COG3: variants seen among roughly 807,000 people sequenced by gnomAD.
The protein encoded by COG3 is component of oligomeric golgi complex 3.
COG3 carries 32 observed loss-of-function variants against 114.1 expected under a neutral mutation model. The ratio of observed to expected loss-of-function variants is 0.28; its 90% CI spans 0.21 to 0.38. COG3 has a LOEUF of 0.38. Ranked by LOEUF, COG3 falls within the 10% of genes least tolerant of loss-of-function variation. The pLI, the probability that COG3 is intolerant of heterozygous loss-of-function variation, is 1.00. For missense variants in COG3, 813 were observed against 973.2 expected (o/e 0.84, Z 2.19); for synonymous variants, 352 against 365.7 (o/e 0.96, Z 0.43).
At position 45,536,362 on chromosome 13, in the gene COG3, T is replaced by G. The variant is rs1345947444; in HGVS notation, c.*1631T>G. 1 of 152,170 alleles carries G rather than the reference T, an allele frequency of 6.6e-6. No homozygotes were observed. The highest frequency in any genetic ancestry group is 1.5e-5 in the Non-Finnish European group (1 of 68,018). The allele number at this position is 152,170 out of a possible 1,614,324, so 9.4% of individuals were successfully genotyped here. On this transcript the variant is annotated 3_prime_UTR_variant, in exon 23 of 23. Transcript: ENST00000349995. Reference sequence around the variant, plus strand: ...ATTTACAGAGCGGAGTGTGTTCTTATAAAAATATTTAATGACATTGGTTCT... The same window carrying G: ...ATTTACAGAGCGGAGTGTGTTCTTAGAAAAATATTTAATGACATTGGTTCT...
intron 7 of COG3, among the ~76,000 whole-genome samples, chr13:45,485,106 A>G: frequency 6.7e-6 from 1 of 148,278 alleles, no homozygotes; most frequent in Non-Finnish European, 1.5e-5. Flanking sequence ...GTTCTCAATG[A>G]GCTACTGGGC....
intron 8 of COG3, 76 bp from the exon 9 acceptor site, chr13:45,490,839 A>G (rs1886974313): frequency 2.7e-6 from 2 of 742,202 alleles, no homozygotes; most frequent in Non-Finnish European, 4.2e-6. Context: ...TATGTGATAC[A>G]ATTAATATTA....
At chr13:45,487,345 G>C (rs1291907536) in intron 8 of COG3, among the ~76,000 whole-genome samples, 2 of 152,144 alleles carry the variant, frequency 1.3e-5, no homozygotes, top group Non-Finnish European at 2.9e-5. Flanking sequence ...AGATTTTATG[G>C]CTAAAACTTC....
chr13:45,473,877 T>C (rs1281160319), intron 1 of COG3, among the ~76,000 whole-genome samples: 1 of 152,204 alleles, frequency 6.6e-6, no homozygotes, highest in African/African-American at 2.4e-5. Flanking sequence ...CACTTTAGAC[T>C]CAGGATAAAT....
At position 45,496,243 on chromosome 13, in the gene COG3, G is replaced by A. The variant is rs1490016960; in HGVS notation, c.1419G>A (p.Gln473=). 1.2e-6 allele frequency: 2 copies of A among 1,612,646 alleles called. No homozygotes were observed. The highest frequency in any genetic ancestry group is 2.2e-5 in the South Asian group (2 of 90,992). Residue 473 remains glutamine (Q), a synonymous_variant, in exon 13 of 23, where the codon CAG becomes CAA. Transcript: ENST00000349995. ...TCTACCGAACCCACATCTATATTCA[G>A]ACGGACATCACGGGCTATAAACCAG... ...RLVYRTHIYI[Q]TDITGYKPAP... is the part of the protein sequence containing the mutation.
chr13:45,491,627 TG>T, intron 10 of COG3, 89 bp downstream of exon 10: 1 of 1,267,528 alleles, frequency 7.9e-7, no homozygotes, highest in Admixed American at 2.6e-5. Flanking sequence ...AAATAAGATT[TG>T]GGGCCCATAG....
At chr13:45,479,154 A>C in intron 3 of COG3, 88 bp downstream of exon 3, 1 of 949,064 alleles carries the variant, frequency 1.1e-6, no homozygotes, top group Non-Finnish European at 1.6e-6. Flanking sequence ...TTTAAATAAA[A>C]CTGAGGTATT....
intron 1 of COG3, 158 bp downstream of exon 1, chr13:45,465,368 G>C (rs1054060536): frequency 2.2e-5 from 27 of 1,247,384 alleles, no homozygotes; most frequent in African/African-American, 3.1e-5. Context: ...CATCTCCCAG[G>C]CTGTCAGGCT....
intron 12 of COG3, among the ~76,000 whole-genome samples, chr13:45,494,590 A>G (rs972920375): frequency 1.3e-5 from 2 of 152,150 alleles, no homozygotes; most frequent in African/African-American, 4.8e-5. Context: ...CAGTGGCACC[A>G]TCTCGGCTCA....
chr13:45,529,944 T>C (rs748742791), intron 21 of COG3, 26 bp downstream of exon 21: 1 of 1,586,556 alleles, frequency 6.3e-7, no homozygotes, highest in South Asian at 1.2e-5. Flanking sequence ...CTCATTTGAA[T>C]GTTGGCGGGT....
intron 8 of COG3, 31 bp from the exon 9 acceptor site, chr13:45,490,884 G>T (rs756500182): frequency 2.9e-5 from 42 of 1,435,106 alleles, no homozygotes; most frequent in Middle Eastern, 3.7e-4. Context: ...AACAGAGATG[G>T]TTTTTTGATG....
chr13:45,499,712 G>GAATATTTGACTTTTTAAAAAT (rs1427039423), intron 13 of COG3, among the ~76,000 whole-genome samples: 1 of 152,182 alleles, frequency 6.6e-6, no homozygotes, highest in Non-Finnish European at 1.5e-5. Flanking sequence ...TTGAAAAACA[G>GAATATTTGACTTTTTAAAAAT]AATATTTGAC....
chr13:45,516,587 G>A (rs1871566681), intron 17 of COG3, among the ~76,000 whole-genome samples: 1 of 152,146 alleles, frequency 6.6e-6, no homozygotes, highest in Non-Finnish European at 1.5e-5. Flanking sequence ...TCAGCTAGTT[G>A]GGATGATTTT....
At chr13:45,521,722 T>C (rs1872164519) in intron 19 of COG3, among the ~76,000 whole-genome samples, 1 of 151,990 alleles carries the variant, frequency 6.6e-6, no homozygotes. Flanking sequence ...TAGAAAACTT[T>C]AAAATGATTT....
intron 7 of COG3, 46 bp from the exon 8 acceptor site, chr13:45,486,449 G>C (rs1471808422): frequency 9.2e-6 from 11 of 1,200,330 alleles, no homozygotes; most frequent in South Asian, 1.2e-5. Context: ...TGAATTATTT[G>C]TTTGCTAATT....
chr13:45,524,994 A>G lies in COG3; in HGVS notation c.2173A>G (p.Met725Val), dbSNP rs201742099. 9 of 1,613,844 alleles carry G rather than the reference A, an allele frequency of 5.6e-6. No homozygotes were observed. The East Asian group carries it at 1.8e-4, about 32-fold the overall frequency. Residue 725 changes from methionine to valine, a missense_variant, in exon 20 of 23, where the codon ATG becomes GTG. By Grantham distance (21) the Met-to-Val change is conservative. Transcript: ENST00000349995. ...FMTKVSALKTMASQGGPKYTL... is the reference protein window; with the variant it reads ...FMTKVSALKTVASQGGPKYTL... ...CTATTAGGTTTCAGCGTTAAAAACA[A>G]TGGCCAGTCAGGGAGGCCCCAAGTA...
chr13:45,466,937 G>T (rs530598580), intron 1 of COG3, among the ~76,000 whole-genome samples: 1 of 152,200 alleles, frequency 6.6e-6, no homozygotes, highest in South Asian at 2.1e-4. Flanking sequence ...GGAAAGATGA[G>T]ATCCTTAGCC....
intron 15 of COG3, among the ~76,000 whole-genome samples, chr13:45,510,303 C>T (rs1870719505): frequency 6.6e-6 from 1 of 152,138 alleles, no homozygotes; most frequent in African/African-American, 2.4e-5. Context: ...AATTGCTGGG[C>T]TTTGTGCTTA....
Position 45,536,207 on chromosome 13 carries a change from T to A in COG3, c.*1476T>A, listed in dbSNP as rs956934050. On this transcript the variant is annotated 3_prime_UTR_variant, in exon 23 of 23. Transcript: ENST00000349995. Reference sequence around the variant, plus strand: ...TGTATTTACTTAACTGTTTTTTAAATACATGTTTAATGAAATAAACTGTAA... The same window carrying A: ...TGTATTTACTTAACTGTTTTTTAAAAACATGTTTAATGAAATAAACTGTAA... 1.1e-4 allele frequency: 17 copies of A among 152,264 alleles called. No homozygotes were observed. Among genetic ancestry groups the A allele is most frequent in the Admixed American group, 1.3e-4 (2 of 15,292 alleles). 9.4% of individuals were successfully genotyped at this position (152,264 alleles called of 1,614,324 possible).
Sources: gnomAD v4.1 joint callset for allele counts (sites outside exome capture counted in the v4.1 genomes callset) on GRCh38, gnomAD v4.1.1 for gene constraint, MANE v1.5 for transcripts, NCBI Gene and HGNC (gene_info 2026-07-23, HGNC 2026-07-21) for gene names.